FRAS1: variants seen among roughly 807,000 people sequenced by gnomAD.
The protein encoded by FRAS1 is extracellular matrix organizing protein FRAS1.
FRAS1 carries 290 observed loss-of-function variants against 435.2 expected under a neutral mutation model. The observed-to-expected ratio is 0.67, with a 90% CI of 0.61 to 0.73. FRAS1 has a LOEUF of 0.73. Ranked by LOEUF, FRAS1 falls within the 30% of genes least tolerant of loss-of-function variation. The probability of loss-of-function intolerance (pLI) is 0.00; values close to 1 mark genes in which losing one functional copy is unlikely to be tolerated. For missense variants in FRAS1, 4,860 were observed against 5,001.5 expected (o/e 0.97, Z 0.85); for synonymous variants, 1,800 against 1,851.0 (o/e 0.97, Z 0.71).
intron 32 of FRAS1, among the ~76,000 whole-genome samples, chr4:78,415,557 G>A (rs1733521853): frequency 6.6e-6 from 1 of 152,130 alleles, no homozygotes; most frequent in Non-Finnish European, 1.5e-5. Context: ...ACTAAACTGG[G>A]GGGAATGTAT....
intron 2 of FRAS1, among the ~76,000 whole-genome samples, chr4:78,169,192 G>C (rs959005790): frequency 6.6e-6 from 1 of 152,074 alleles, no homozygotes; most frequent in Non-Finnish European, 1.5e-5. Context: ...CATCATATTT[G>C]CTCCAACAAT....
At chr4:78,525,074 G>A (rs1378535947) in intron 69 of FRAS1, among the ~76,000 whole-genome samples, 1 of 152,144 alleles carries the variant, frequency 6.6e-6, no homozygotes, top group African/African-American at 2.4e-5. Flanking sequence ...AGGGAAGAGA[G>A]TAGTAGACAA....
rs201436129 is a variant in FRAS1, at chr4:78,455,425, G to GT, written c.6763+3071_6763+3072insT. Among the ~76,000 whole-genome samples, 870 of 151,930 alleles carry GT rather than the reference G, an allele frequency of 5.7e-3. 6 individuals carry two copies. The highest frequency in any genetic ancestry group is 9.7e-3 in the Non-Finnish European group (661 of 67,960). On this transcript the variant is annotated intron_variant, in intron 47 of 73. Coordinates refer to ENST00000512123, the MANE Select transcript of FRAS1 (RefSeq NM_025074.7). ...ACCAGAAGTTGGAGTTGAGGAGGGA[G>GT]GGGGTTCTGTTATTTCCAAGAAGAG...
rs189663530 is a variant in FRAS1 at position 78,418,202 on chromosome 4, C to A, written c.4426-747C>A. 4.1e-3 allele frequency among the ~76,000 whole-genome samples: 632 copies of A among 152,314 alleles called. 3 individuals carry two copies. The highest frequency in any genetic ancestry group is 0.015 in the African/African-American group (622 of 41,572). ...GGAAGAGAAAAAGCAGTATCTAGTTCTTTTGACCAGTAGAATGGAGAAAAA... is the reference window on the plus strand; with the variant it reads ...GGAAGAGAAAAAGCAGTATCTAGTTATTTTGACCAGTAGAATGGAGAAAAA... On this transcript the variant is annotated intron_variant, in intron 32 of 73. Coordinates refer to ENST00000512123, the MANE Select transcript of FRAS1 (RefSeq NM_025074.7).
intron 63 of FRAS1, among the ~76,000 whole-genome samples, 151 bp downstream of exon 63, chr4:78,509,157 T>C (rs1191859180): frequency 7.5e-6 from 1 of 133,584 alleles, no homozygotes; most frequent in East Asian, 2.6e-4. Flanking sequence ...CTCTTATACA[T>C]AAGAAAAGGT....
intron 47 of FRAS1, among the ~76,000 whole-genome samples, chr4:78,455,198 G>C (rs1358022926): frequency 2.0e-5 from 3 of 152,176 alleles, no homozygotes; most frequent in Non-Finnish European, 4.4e-5. Context: ...TTCTGTTTCA[G>C]TTAGCCAGGA....
chr4:78,370,062 T>A lies in FRAS1; in HGVS notation c.2869+78T>A, dbSNP rs544679278. 9 of 1,387,932 alleles carry A rather than the reference T, an allele frequency of 6.5e-6. No homozygotes were observed. The South Asian group carries it at 1.1e-4, about 17-fold the overall frequency. 86.0% of individuals were successfully genotyped at this position (1,387,932 alleles called of 1,614,324 possible). A position where few individuals can be genotyped will look rare whatever the true frequency, so the allele number is the denominator to read the frequency against. On this transcript the variant is annotated intron_variant, in intron 23 of 73. Coordinates refer to ENST00000512123, the MANE Select transcript of FRAS1 (RefSeq NM_025074.7). Reference sequence around the variant, plus strand: ...TACTACTGATGTCTAGTTTTCCATATTGGGAAAACACCAGTCATCATATAT... The same window carrying A: ...TACTACTGATGTCTAGTTTTCCATAATGGGAAAACACCAGTCATCATATAT...
intron 70 of FRAS1, among the ~76,000 whole-genome samples, chr4:78,526,871 C>G (rs1721550218): frequency 6.6e-6 from 1 of 152,166 alleles, no homozygotes; most frequent in Non-Finnish European, 1.5e-5. Flanking sequence ...TGTTGCGGCT[C>G]TCATACTCCA....
At chr4:78,115,658 G>A (rs557398571) in intron 2 of FRAS1, among the ~76,000 whole-genome samples, 43 of 152,306 alleles carry the variant, frequency 2.8e-4, no homozygotes, top group South Asian at 1.0e-3. Context: ...TTGTATTTCT[G>A]TGGGATAGGT....
At position 78,057,879 on chromosome 4, in the gene FRAS1, C is replaced by G; in HGVS notation, c.-131C>G. The G allele has an allele frequency of 2.7e-6, 2 of 746,318 alleles. No homozygotes were observed. Among genetic ancestry groups the G allele is most frequent in the Non-Finnish European group, 4.5e-6 (2 of 444,646 alleles). The allele number at this position is 746,318 out of a possible 1,614,324, so 46.2% of individuals were successfully genotyped here. A position where few individuals can be genotyped will look rare whatever the true frequency, so the allele number is the denominator to read the frequency against. ...GCTCTCCGCCCGTCCATCTCTTTTT[C>G]CCGGAGGTAAAGGCCCGCGGTCCCC... On this transcript the variant is annotated 5_prime_UTR_variant, in exon 1 of 74. Coordinates refer to ENST00000512123, the MANE Select transcript of FRAS1 (RefSeq NM_025074.7). This position sits in a 1 kb window ranked among gnomAD's most constrained non-coding sequence, Gnocchi z 4.2.
chr4:78,272,770 A>G (rs1726777171), intron 9 of FRAS1, among the ~76,000 whole-genome samples: 1 of 151,924 alleles, frequency 6.6e-6, no homozygotes, highest in Non-Finnish European at 1.5e-5. Context: ...TGTTCTTTTG[A>G]CTTAGGATTG....
chr4:78,080,516 T>C (rs1004862115), intron 2 of FRAS1, among the ~76,000 whole-genome samples: 1 of 152,204 alleles, frequency 6.6e-6, no homozygotes, highest in Admixed American at 6.5e-5. Context: ...ATAGCTTTTA[T>C]CTTAATTGGA....
intron 30 of FRAS1, among the ~76,000 whole-genome samples, 175 bp downstream of exon 30, chr4:78,401,062 C>T (rs1175861873): frequency 6.6e-6 from 1 of 152,180 alleles, no homozygotes; most frequent in Non-Finnish European, 1.5e-5. Context: ...AACACATTTA[C>T]TAGGTAGTGT....
intron 2 of FRAS1, among the ~76,000 whole-genome samples, chr4:78,117,772 C>T (rs1269267374): frequency 5.9e-5 from 9 of 152,210 alleles, no homozygotes; most frequent in African/African-American, 1.2e-4. Context: ...GCCATGGGTT[C>T]GAACTTCCTC....
chr4:78,281,651 A>T (rs771031609), intron 11 of FRAS1, among the ~76,000 whole-genome samples: 3 of 152,190 alleles, frequency 2.0e-5, no homozygotes, highest in African/African-American at 4.8e-5. Flanking sequence ...GATAATTAAT[A>T]CTTCTCTAAC....
chr4:78,091,176 G>C (rs567733497), intron 2 of FRAS1, among the ~76,000 whole-genome samples: 4 of 151,836 alleles, frequency 2.6e-5, no homozygotes, highest in African/African-American at 9.7e-5. Flanking sequence ...TCTACTACCT[G>C]TCTTCACCCC....
intron 30 of FRAS1, 77 bp downstream of exon 30, chr4:78,400,964 G>A: frequency 1.5e-6 from 2 of 1,364,434 alleles, no homozygotes; most frequent in South Asian, 1.4e-5. Context: ...AGTGCCATGT[G>A]GCAAGATTGC....
chr4:78,209,728 A>G (rs932700751), intron 2 of FRAS1, among the ~76,000 whole-genome samples: 11 of 152,168 alleles, frequency 7.2e-5, no homozygotes, highest in African/African-American at 2.4e-4. Flanking sequence ...TGGCTAACTT[A>G]TCTATTATTG....
chr4:78,065,350 G>A (rs149545383), intron 1 of FRAS1, among the ~76,000 whole-genome samples: 1,514 of 151,348 alleles, frequency 0.01, 42 homozygotes, highest in Admixed American at 0.049. Context: ...TATATATAAT[G>A]TAGTGGGGTA....
Sources: gnomAD v4.1 joint callset for allele counts (sites outside exome capture counted in the v4.1 genomes callset) on GRCh38, gnomAD v4.1.1 for gene constraint, Gnocchi (gnomAD v3.1) non-coding constraint, MANE v1.5 for transcripts, NCBI Gene and HGNC (gene_info 2026-07-23, HGNC 2026-07-21) for gene names.